Variants in ADAMTS12 observed in about 807,000 individuals in gnomAD.
ADAMTS12 encodes A disintegrin and metalloproteinase with thrombospondin motifs 12.
Under a neutral mutation model 167.8 loss-of-function variants are expected in ADAMTS12, and 118 were observed. The observed-to-expected ratio is 0.70, with a 90% CI of 0.61 to 0.82. The LOEUF is 0.82. Among genes scored for constraint, ADAMTS12 ranks in the 40% least tolerant of loss-of-function variants. The pLI is 0.00. For missense variants in ADAMTS12, 1,916 were observed against 1,998.8 expected, an observed-to-expected ratio of 0.96 and a Z score of 0.79; for synonymous variants, 704 against 716.9, an observed-to-expected ratio of 0.98 and a Z score of 0.29.
chr5:33,648,684 C>A (rs72741407), intron 9 of ADAMTS12, 138 bp downstream of exon 9: 121 of 1,101,080 alleles, frequency 1.1e-4, no homozygotes, highest in Non-Finnish European at 1.9e-5. Flanking sequence ...TTTTCCCTTA[C>A]AGACACACCT....
In ADAMTS12 at chr5:33,549,365, C is replaced by A; in HGVS notation, c.4144G>T (p.Gly1382Trp). The A allele has an allele frequency of 6.2e-7, 1 of 1,613,782 alleles. No homozygotes were observed. The highest frequency in any genetic ancestry group is 8.5e-7 in the Non-Finnish European group (1 of 1,179,698). The change falls in exon 21 of 24, where the codon GGG (glycine) becomes TGG (tryptophan). Residue 1382 changes from glycine to tryptophan, a missense_variant. Coordinates refer to ENST00000504830, the MANE Select transcript of ADAMTS12 (RefSeq NM_030955.4). ...TGAATCTCGCGTATCTTGAAGCCCC[C>A]ACTGCAGTTTCTGGAGCACTGTATG... Reference protein sequence around the residue: ...NWSKCSRNCSGGFKIREIQCV... With the variant: ...NWSKCSRNCSWGFKIREIQCV...
intron 3 of ADAMTS12, among the ~76,000 whole-genome samples, chr5:33,750,279 A>G (rs1165230572): frequency 6.6e-6 from 1 of 152,226 alleles, no homozygotes; most frequent in South Asian, 2.1e-4. Flanking sequence ...AATTTAAAGC[A>G]GTTGTGTGTT....
intron 2 of ADAMTS12, among the ~76,000 whole-genome samples, chr5:33,824,243 C>T (rs1345652651): frequency 2.6e-5 from 4 of 152,112 alleles, no homozygotes; most frequent in Non-Finnish European, 5.9e-5. Context: ...TTGAGCCTGA[C>T]CCAGGACTCA....
intron 3 of ADAMTS12, among the ~76,000 whole-genome samples, chr5:33,704,078 C>A (rs1032069327): frequency 6.6e-6 from 1 of 152,122 alleles, no homozygotes; most frequent in African/African-American, 2.4e-5. Context: ...AACTTCTTTA[C>A]GCAGCTTATG....
intron 2 of ADAMTS12, among the ~76,000 whole-genome samples, chr5:33,765,780 A>G (rs1745510122): frequency 1.3e-5 from 2 of 152,188 alleles, no homozygotes; most frequent in African/African-American, 2.4e-5. Context: ...TAAATTTTTT[A>G]CAACCAAAAA....
At chr5:33,593,717 A>C (rs1747762416) in intron 17 of ADAMTS12, among the ~76,000 whole-genome samples, 1 of 152,042 alleles carries the variant, frequency 6.6e-6, no homozygotes, top group Non-Finnish European at 1.5e-5. Context: ...CATTAGGACA[A>C]ATACCTAATG....
At chr5:33,566,775 C>T (rs749964776) in intron 19 of ADAMTS12, among the ~76,000 whole-genome samples, 5 of 152,140 alleles carry the variant, frequency 3.3e-5, no homozygotes, top group African/African-American at 4.8e-5. Flanking sequence ...CCCAGCTTCC[C>T]TGAGTTTGGT....
At chr5:33,594,045 C>T (rs181509847) in intron 17 of ADAMTS12, among the ~76,000 whole-genome samples, 1 of 152,292 alleles carries the variant, frequency 6.6e-6, no homozygotes, top group Admixed American at 6.5e-5. Flanking sequence ...ATTGATATGG[C>T]TTGGCTGTGT....
At chr5:33,531,624 A>G (rs1268969832) in intron 23 of ADAMTS12, among the ~76,000 whole-genome samples, 1 of 152,188 alleles carries the variant, frequency 6.6e-6, no homozygotes, top group Non-Finnish European at 1.5e-5. Context: ...TGTACTGGTG[A>G]TGGGGCAGGA....
At chr5:33,598,410 A>G (rs1465422090) in intron 16 of ADAMTS12, among the ~76,000 whole-genome samples, 1 of 152,212 alleles carries the variant, frequency 6.6e-6, no homozygotes. Context: ...TAAAAAAAAG[A>G]AAAGAAAACA....
At chr5:33,621,682 T>C (rs1185532161) in intron 14 of ADAMTS12, among the ~76,000 whole-genome samples, 3 of 152,168 alleles carry the variant, frequency 2.0e-5, no homozygotes, top group Non-Finnish European at 4.4e-5. Context: ...ATTTATGCTG[T>C]CCATTTGAGA....
At chr5:33,867,212 G>A (rs189302738) in intron 2 of ADAMTS12, among the ~76,000 whole-genome samples, 30 of 152,212 alleles carry the variant, frequency 2.0e-4, no homozygotes, top group African/African-American at 7.2e-4. Flanking sequence ...ACCGACCTAA[G>A]TGCCCACTGA....
chr5:33,528,901 T>C (rs1039868854), intron 23 of ADAMTS12, among the ~76,000 whole-genome samples: 11 of 151,990 alleles, frequency 7.2e-5, no homozygotes, highest in African/African-American at 2.4e-4. Flanking sequence ...AAAAAGTAGC[T>C]GGGCGTGGTG....
rs759930119 is a variant in ADAMTS12 at position 33,588,627 on chromosome 5, G to T, written c.2837C>A (p.Ser946Ter). The T allele has an allele frequency of 6.2e-7, 1 of 1,614,154 alleles. No individual in the cohort carries two copies. The highest frequency in any genetic ancestry group is 1.1e-5 in the South Asian group (1 of 91,080). ...ACTCCAGTTGCCCACTGTCCAGTCC[G>T]AGGGGCACAGGATGTCTCTGTTGCA... ...LSCNRDILCP[S>*]DWTVGNWSEC... Residue 946 changes from serine (S) to a stop codon, truncating the protein, a stop_gained, in exon 18 of 24, where the codon TCG (serine) becomes TAG (stop). Coordinates refer to ENST00000504830, the MANE Select transcript of ADAMTS12 (RefSeq NM_030955.4). LOFTEE classifies it high-confidence loss of function.
At chr5:33,616,665 C>T (rs1221688353) in intron 14 of ADAMTS12, among the ~76,000 whole-genome samples, 4 of 152,226 alleles carry the variant, frequency 2.6e-5, no homozygotes, top group South Asian at 2.1e-4. Flanking sequence ...TACTGTTGGA[C>T]GATTCTATTC....
intron 2 of ADAMTS12, among the ~76,000 whole-genome samples, chr5:33,771,383 G>A (rs1745732483): frequency 6.6e-6 from 1 of 152,172 alleles, no homozygotes; most frequent in South Asian, 2.1e-4. Flanking sequence ...TTGCCTGGGA[G>A]CAGACCTCAA....
At chr5:33,766,912 AC>A (rs1444500762) in intron 2 of ADAMTS12, among the ~76,000 whole-genome samples, 1 of 152,142 alleles carries the variant, frequency 6.6e-6, no homozygotes, top group East Asian at 1.9e-4. Flanking sequence ...AGAAATACAT[AC>A]TTTTCATCCC....
At chr5:33,753,987 G>C (rs1745084347) in intron 2 of ADAMTS12, among the ~76,000 whole-genome samples, 1 of 152,208 alleles carries the variant, frequency 6.6e-6, no homozygotes, top group Admixed American at 6.5e-5. Flanking sequence ...ATAGGTAGGA[G>C]AGGGGATGAA....
intron 2 of ADAMTS12, among the ~76,000 whole-genome samples, chr5:33,851,576 C>T (rs997313460): frequency 1.6e-4 from 25 of 152,140 alleles, no homozygotes; most frequent in Non-Finnish European, 5.9e-5. Flanking sequence ...ATCTCAAATC[C>T]TCCTCTGGTC....
Sources: allele counts gnomAD v4.1 joint callset (sites outside exome capture counted in the v4.1 genomes callset), GRCh38; gene constraint gnomAD v4.1.1; transcripts MANE v1.5; gene names NCBI Gene and HGNC (gene_info 2026-07-23, HGNC 2026-07-21).